The following TEKT5 variants were observed in gnomAD, a reference collection of about 807,000 sequenced individuals.
TEKT5 encodes tektin-5.
TEKT5 carries 52 observed loss-of-function variants against 48.7 expected under a neutral mutation model. That is an observed-to-expected ratio of 1.07 (90% confidence interval 0.86 to 1.35). TEKT5 has a LOEUF of 1.35. Ranked by LOEUF, TEKT5 falls within the 40% of genes most tolerant of loss-of-function variation. The pLI, the probability that TEKT5 is intolerant of heterozygous loss-of-function variation, is 0.00. For synonymous variants in TEKT5, 318 were observed against 267.6 expected, an observed-to-expected ratio of 1.19 and a Z score of -1.84; for missense variants, 831 against 641.6, an observed-to-expected ratio of 1.30 and a Z score of -3.19.
Position 10,682,106 on chromosome 16 carries a change from C to G in TEKT5, c.750G>C (p.Glu250Asp). The change falls in exon 4 of 7, where the codon GAG becomes GAC. Residue 250 changes from glutamate (E) to aspartate (D), a missense_variant. Transcript: ENST00000283025. ...RDNRDAQHVL[E>D]RDLEDKSSAQ... ...CCGAGCTTTTGTCTTCGAGGTCCCT[C>G]TCCAGCACGTGCTGAGCATCCCGGT... The G allele has an allele frequency of 6.2e-7, 1 of 1,614,182 alleles. No individual in the cohort carries two copies. Among genetic ancestry groups the G allele is most frequent in the Middle Eastern group, 1.7e-4 (1 of 6,060 alleles).
In TEKT5 at chr16:10,646,103, C is replaced by T. The variant is rs1006396725; in HGVS notation, c.1087-10185G>A. Among the ~76,000 whole-genome samples the T allele has an allele frequency of 3.3e-5, 5 of 151,572 alleles. No individual in the cohort carries two copies. The East Asian group carries it at 9.7e-4, about 29-fold the overall frequency. ...TATGATCACAACACTGTACTGCATT[C>T]TAGCCTGGCCAACAGAGTAAGACTC... On this transcript the variant is annotated intron_variant, in intron 5 of 6. Coordinates refer to ENST00000283025, the MANE Select transcript of TEKT5 (RefSeq NM_144674.2).
At chr16:10,689,049 T>C (rs1008370898) in intron 3 of TEKT5, among the ~76,000 whole-genome samples, 6 of 152,012 alleles carry the variant, frequency 3.9e-5, no homozygotes, top group African/African-American at 1.4e-4. Context: ...TGTGGTAACA[T>C]TTACACCAGC....
chr16:10,694,577 C>T lies in TEKT5; in HGVS notation c.297G>A (p.Gln99=). ...AGGCCTCGGCCCCACGCACCTGCAG[C>T]TGGTTGGACTGGTCCCAGTCGTGGG... ...YSPHDWDQSN[Q]LQVRGAEASR... Residue 99 remains glutamine, a synonymous_variant, in exon 1 of 7, where the codon CAG becomes CAA. Coordinates refer to ENST00000283025, the MANE Select transcript of TEKT5 (RefSeq NM_144674.2). 1 of 1,603,344 alleles carries T rather than the reference C, an allele frequency of 6.2e-7. No homozygotes were observed. Among genetic ancestry groups the T allele is most frequent in the Non-Finnish European group, 8.5e-7 (1 of 1,174,644 alleles).
intron 5 of TEKT5, among the ~76,000 whole-genome samples, chr16:10,640,728 T>C (rs1329286997): frequency 6.6e-6 from 1 of 151,774 alleles, no homozygotes; most frequent in African/African-American, 2.4e-5. Flanking sequence ...TATATATATT[T>C]GTTTTTGGAG....
intron 1 of TEKT5, chr16:10,690,711 C>T: frequency 1.0e-6 from 1 of 985,402 alleles, no homozygotes; most frequent in Non-Finnish European, 1.2e-6. Flanking sequence ...CTCATGCAGA[C>T]CTGGGCAGAG....
intron 3 of TEKT5, among the ~76,000 whole-genome samples, chr16:10,684,720 G>C (rs1373505719): frequency 6.6e-6 from 1 of 152,152 alleles, no homozygotes; most frequent in African/African-American, 2.4e-5. Context: ...CTTGTCATGA[G>C]GCCTAGGGAA....
At chr16:10,690,644 G>A (rs1279252533) in intron 1 of TEKT5, 1 of 985,432 alleles carries the variant, frequency 1.0e-6, no homozygotes, top group African/African-American at 1.7e-5. Flanking sequence ...CCAGTGGAGG[G>A]ACAGTTTGGG....
Position 10,694,631 on chromosome 16 carries a change from C to G in TEKT5, c.243G>C (p.Leu81=). 1 of 1,612,610 alleles carries G rather than the reference C, an allele frequency of 6.2e-7. No homozygotes were observed. The highest frequency in any genetic ancestry group is 8.5e-7 in the Non-Finnish European group (1 of 1,179,254). ...TLRPPTILPT[L]RSALFSRYSP... Reference sequence around the variant, plus strand: ...TATAGCGAGAGAAGAGTGCGGAGCGCAGTGTGGGCAGGATGGTGGGCGGCC... The same window carrying G: ...TATAGCGAGAGAAGAGTGCGGAGCGGAGTGTGGGCAGGATGGTGGGCGGCC... The change falls in exon 1 of 7, where the codon CTG becomes CTC. Residue 81 remains leucine (L), a synonymous_variant. Coordinates refer to ENST00000283025, the MANE Select transcript of TEKT5 (RefSeq NM_144674.2).
chr16:10,629,344 G>A (rs576955920), intron 6 of TEKT5, among the ~76,000 whole-genome samples: 13 of 151,764 alleles, frequency 8.6e-5, no homozygotes, highest in African/African-American at 2.7e-4. Flanking sequence ...TCTGCCTCCC[G>A]GGTTCAAGCA....
At chr16:10,664,113 T>C (rs1898420316) in intron 5 of TEKT5, among the ~76,000 whole-genome samples, 1 of 152,234 alleles carries the variant, frequency 6.6e-6, no homozygotes, top group East Asian at 1.9e-4. Context: ...ATTACCACTT[T>C]TAATTAATTG....
chr16:10,641,652 C>A (rs1027539659), intron 5 of TEKT5, among the ~76,000 whole-genome samples: 1 of 152,086 alleles, frequency 6.6e-6, no homozygotes, highest in African/African-American at 2.4e-5. Context: ...GAGACCTTGT[C>A]TCCACGAAAA....
chr16:10,645,140 G>A (rs1898051398), intron 5 of TEKT5, among the ~76,000 whole-genome samples: 1 of 152,146 alleles, frequency 6.6e-6, no homozygotes, highest in Non-Finnish European at 1.5e-5. Context: ...AGCCTATGGT[G>A]GTACTTGGTT....
intron 6 of TEKT5, among the ~76,000 whole-genome samples, chr16:10,629,776 G>A (rs1049114180): frequency 2.0e-5 from 3 of 151,654 alleles, no homozygotes; most frequent in African/African-American, 7.3e-5. Flanking sequence ...CAATGGCTTG[G>A]CTGACTCAGG....
At position 10,694,464 on chromosome 16, in the gene TEKT5, G is replaced by A. The variant is rs200520610; in HGVS notation, c.410C>T (p.Thr137Ile). The change falls in exon 1 of 7, where the codon ACC (threonine) becomes ATC (isoleucine). Residue 137 changes from threonine to isoleucine, a missense_variant. Physicochemically the swap from Thr to Ile is moderately conservative, Grantham distance 89. Coordinates refer to ENST00000283025, the MANE Select transcript of TEKT5 (RefSeq NM_144674.2). ...CAGCCTCTGGCCCAGGTTCCGGCAGGTGCCCTCCTGCATCTGGTGCGTCAG... is the reference window on the plus strand; with the variant it reads ...CAGCCTCTGGCCCAGGTTCCGGCAGATGCCCTCCTGCATCTGGTGCGTCAG... ...DQLTHQMQEG[T>I]CRNLGQRLSD... is the part of the protein sequence containing the mutation. 9.3e-6 allele frequency: 15 copies of A among 1,614,136 alleles called. No individual in the cohort carries two copies. The East Asian group carries it at 2.5e-4, about 26-fold the overall frequency.
intron 6 of TEKT5, among the ~76,000 whole-genome samples, chr16:10,633,044 C>T (rs1897861930): frequency 6.6e-6 from 1 of 152,188 alleles, no homozygotes. Flanking sequence ...CAGGCAACTC[C>T]CCCAGAAGCC....
chr16:10,657,496 T>C (rs1409664141), intron 5 of TEKT5, among the ~76,000 whole-genome samples: 2 of 151,904 alleles, frequency 1.3e-5, no homozygotes. Flanking sequence ...GAAATAGGAG[T>C]GAATCCAGTG....
intron 4 of TEKT5, 35 bp downstream of exon 4, chr16:10,681,958 A>G: frequency 6.2e-7 from 1 of 1,605,294 alleles, no homozygotes; most frequent in South Asian, 1.1e-5. Flanking sequence ...CCAGTTGGAC[A>G]CGCCAGGGAT....
intron 3 of TEKT5, among the ~76,000 whole-genome samples, chr16:10,688,336 T>A (rs1328954172): frequency 6.6e-6 from 1 of 152,238 alleles, no homozygotes; most frequent in Non-Finnish European, 1.5e-5. Flanking sequence ...CACCCAGAAC[T>A]AACCCCTTCG....
chr16:10,690,981 G>A (rs1898964220), intron 1 of TEKT5, among the ~76,000 whole-genome samples: 1 of 152,146 alleles, frequency 6.6e-6, no homozygotes, highest in Non-Finnish European at 1.5e-5. Flanking sequence ...ATAGCACAAC[G>A]AACCAGGCTG....
Sources: allele counts gnomAD v4.1 joint callset (sites outside exome capture counted in the v4.1 genomes callset), GRCh38; gene constraint gnomAD v4.1.1; transcripts MANE v1.5; gene names NCBI Gene and HGNC (gene_info 2026-07-23, HGNC 2026-07-21).